Variants in PIEZO2 observed in about 807,000 individuals in gnomAD.
PIEZO2 encodes the protein piezo type mechanosensitive ion channel component 2, also known as piezo-type mechanosensitive ion channel component 2.
A neutral mutation model predicts 337.3 loss-of-function variants in PIEZO2; 172 were observed. That is an observed-to-expected ratio of 0.51 (90% CI 0.45 to 0.58). PIEZO2 has a LOEUF of 0.58. Among genes scored for constraint, PIEZO2 ranks in the 20% least tolerant of loss-of-function variants. PIEZO2 has a pLI of 0.00. For missense variants in PIEZO2, 3,028 were observed against 3,391.3 expected (o/e 0.89, Z 2.66); for synonymous variants, 1,251 against 1,228.5 (o/e 1.02, Z -0.38).
chr18:11,078,822 C>T lies in PIEZO2; in HGVS notation c.65-12600G>A, dbSNP rs72874236. Among the ~76,000 whole-genome samples the T allele has an allele frequency of 0.089, 13,592 of 152,214 alleles. 622 individuals carry two copies. Among genetic ancestry groups the T allele is most frequent in the Middle Eastern group, 0.15 (43 of 294 alleles). On this transcript the variant is annotated intron_variant, in intron 1 of 55. Transcript: ENST00000674853. This position sits in a 1 kb window ranked among gnomAD's most constrained non-coding sequence, Gnocchi z 5.3. ...TCTCTACCTACTCAGAGTATTTGGCCTTACATTTCATCGAATCACAGAGTC... is the reference window on the plus strand; with the variant it reads ...TCTCTACCTACTCAGAGTATTTGGCTTTACATTTCATCGAATCACAGAGTC...
Position 10,969,780 on chromosome 18 carries a change from A to C in PIEZO2, c.286+9755T>G, listed in dbSNP as rs2034162295. On this transcript the variant is annotated intron_variant, in intron 3 of 55. Transcript: ENST00000674853. The surrounding 1 kb of genome is among the most constrained non-coding windows in gnomAD (Gnocchi z 4.5). Reference sequence around the variant, plus strand: ...ACAGAGCTCCTGGCCAAGAGAGGGCATGGGTGCACTTAGCCGCTCTCCTCA... The same window carrying C: ...ACAGAGCTCCTGGCCAAGAGAGGGCCTGGGTGCACTTAGCCGCTCTCCTCA... Among the ~76,000 whole-genome samples, 1 of 152,078 alleles carries C rather than the reference A, an allele frequency of 6.6e-6. No homozygotes were observed. The highest frequency in any genetic ancestry group is 2.4e-5 in the African/African-American group (1 of 41,398).
chr18:11,099,251 T>A lies in PIEZO2; in HGVS notation c.65-33029A>T, dbSNP rs143191695. Among the ~76,000 whole-genome samples the A allele has an allele frequency of 2.0e-5, 3 of 152,346 alleles. No individual in the cohort carries two copies. The highest frequency in any genetic ancestry group is 7.2e-5 in the African/African-American group (3 of 41,590). ...ACATTTGTGCCAGTATTTCTGTAGG[T>A]TAACATATTAATGGATCATAAAGTA... is the stretch of plus-strand genomic sequence containing the variant. On this transcript the variant is annotated intron_variant, in intron 1 of 55. Coordinates refer to ENST00000674853, the MANE Select transcript of PIEZO2 (RefSeq NM_001378183.1). This position sits in a 1 kb window ranked among gnomAD's most constrained non-coding sequence, Gnocchi z 5.4.
At position 10,903,079 on chromosome 18, in the gene PIEZO2, T is replaced by C. The variant is rs2043089227; in HGVS notation, c.329+8107A>G. ...TATGGGGAGGCACCAACCCATGGGC[T>C]GTACTCATTCCAGAATCCTTCCTCC... On this transcript the variant is annotated intron_variant, in intron 4 of 55. Transcript: ENST00000674853. The surrounding 1 kb of genome is among the most constrained non-coding windows in gnomAD (Gnocchi z 4.1). Among the ~76,000 whole-genome samples the C allele has an allele frequency of 6.6e-6, 1 of 152,142 alleles. No homozygotes were observed. Among genetic ancestry groups the C allele is most frequent in the Non-Finnish European group, 1.5e-5 (1 of 68,026 alleles).
At chr18:10,717,590 T>G (rs572797699) in intron 37 of PIEZO2, among the ~76,000 whole-genome samples, 1 of 150,094 alleles carries the variant, frequency 6.7e-6, no homozygotes, top group Non-Finnish European at 1.5e-5. Context: ...GGCTTTGGCC[T>G]TTTTTTCTTC....
At chr18:11,141,078 C>T (rs2040630968) in intron 1 of PIEZO2, among the ~76,000 whole-genome samples, 1 of 152,228 alleles carries the variant, frequency 6.6e-6, no homozygotes, top group South Asian at 2.1e-4. Context: ...CAATCACCTA[C>T]ATCTTGACTA....
intron 4 of PIEZO2, among the ~76,000 whole-genome samples, chr18:10,886,511 T>TATATATATATATA (rs2042613445): frequency 2.5e-5 from 3 of 118,364 alleles, no homozygotes; most frequent in African/African-American, 7.3e-5. Context: ...CATATACACA[T>TATATATATATATA]TATATATATA....
In PIEZO2 at chr18:10,773,972, A is replaced by T. The variant is rs1483092457; in HGVS notation, c.2567+34T>A. 1.4e-6 allele frequency: 1 copy of T among 702,978 alleles called. No individual in the cohort carries two copies. The highest frequency in any genetic ancestry group is 2.6e-6 in the Non-Finnish European group (1 of 384,982). The allele number at this position is 702,978 out of a possible 1,614,324, so 43.5% of individuals were successfully genotyped here. A position where few individuals can be genotyped will look rare whatever the true frequency, so the allele number is the denominator to read the frequency against. On this transcript the variant is annotated intron_variant, in intron 19 of 55. Coordinates refer to ENST00000674853, the MANE Select transcript of PIEZO2 (RefSeq NM_001378183.1). The surrounding 1 kb of genome is among the most constrained non-coding windows in gnomAD (Gnocchi z 5.3). ...AGAAGCATGAAATGGCATCATGTAG[A>T]GCAAGCATTTCATGGCTTCACAGGG...
rs1382540499 is a variant in PIEZO2, at chr18:11,104,543, A to G, written c.65-38321T>C. On this transcript the variant is annotated intron_variant, in intron 1 of 55. Transcript: ENST00000674853. This position sits in a 1 kb window ranked among gnomAD's most constrained non-coding sequence, Gnocchi z 4.6. The stretch of plus-strand genomic sequence containing the variant: ...GAGAAAGCTGGCCTGGAGCCATCTG[A>G]AGTCTGAAGTCCTGCCCAAGCAGAC... Among the ~76,000 whole-genome samples the G allele has an allele frequency of 6.6e-6, 1 of 152,130 alleles. No individual in the cohort carries two copies. Among genetic ancestry groups the G allele is most frequent in the Non-Finnish European group, 1.5e-5 (1 of 68,016 alleles).
rs901454879 is a variant in PIEZO2, at chr18:10,773,200, G to A, written c.2785+212C>T. Among the ~76,000 whole-genome samples, 1 of 152,208 alleles carries A rather than the reference G, an allele frequency of 6.6e-6. No individual in the cohort carries two copies. The highest frequency in any genetic ancestry group is 1.5e-5 in the Non-Finnish European group (1 of 68,040). ...CTTGAGGGTCAGTCACTGATAACCA[G>A]TCGTCTGGTCTCTACTCAGTCAGAA... is the stretch of plus-strand genomic sequence containing the variant. On this transcript the variant is annotated intron_variant, in intron 20 of 55. Transcript: ENST00000674853. This position sits in a 1 kb window ranked among gnomAD's most constrained non-coding sequence, Gnocchi z 5.3.
intron 32 of PIEZO2, among the ~76,000 whole-genome samples, chr18:10,742,209 A>G (rs1285866502): frequency 1.3e-5 from 2 of 152,196 alleles, no homozygotes; most frequent in African/African-American, 2.4e-5. Context: ...AATCCTGCCA[A>G]TCTACTGCAG....
At chr18:10,785,634 A>G (rs1375318532) in intron 16 of PIEZO2, among the ~76,000 whole-genome samples, 2 of 152,104 alleles carry the variant, frequency 1.3e-5, no homozygotes, top group Admixed American at 1.3e-4. Flanking sequence ...GAGAAGTCAG[A>G]CGCCTCCTGT....
intron 32 of PIEZO2, among the ~76,000 whole-genome samples, chr18:10,742,002 A>C (rs970897954): frequency 1.3e-5 from 2 of 151,764 alleles, no homozygotes; most frequent in Non-Finnish European, 2.9e-5. Context: ...AAATACAAAA[A>C]AAATTAGCCG....
intron 7 of PIEZO2, among the ~76,000 whole-genome samples, chr18:10,809,373 C>G (rs765773860): frequency 7.0e-6 from 1 of 143,034 alleles, no homozygotes; most frequent in East Asian, 2.2e-4. Context: ...CGGGTTCAAG[C>G]AATTCTTCTG....
chr18:10,728,049 A>G (rs7227650), intron 36 of PIEZO2: 75,417 of 152,420 alleles, frequency 0.49, 18,802 homozygotes, highest in South Asian at 0.55. Flanking sequence ...AGAACGATGC[A>G]GGAAAATGCT....
Position 10,993,300 on chromosome 18 carries a change from G to T in PIEZO2, c.161-13640C>A, listed in dbSNP as rs1259872124. Among the ~76,000 whole-genome samples, 1 of 152,094 alleles carries T rather than the reference G, an allele frequency of 6.6e-6. No homozygotes were observed. Among genetic ancestry groups the T allele is most frequent in the Non-Finnish European group, 1.5e-5 (1 of 68,014 alleles). ...GTGAGAGAGTGCCGGTTTTCAAAGG[G>T]AATGCTTCCAGTTTTTGCCCATTCA... On this transcript the variant is annotated intron_variant, in intron 2 of 55. Coordinates refer to ENST00000674853, the MANE Select transcript of PIEZO2 (RefSeq NM_001378183.1). This position sits in a 1 kb window ranked among gnomAD's most constrained non-coding sequence, Gnocchi z 5.0.
At position 10,815,335 on chromosome 18, in the gene PIEZO2, G is replaced by A. The variant is rs541140930; in HGVS notation, c.918-8061C>T. Among the ~76,000 whole-genome samples, 1 of 152,260 alleles carries A rather than the reference G, an allele frequency of 6.6e-6. No individual in the cohort carries two copies. Among genetic ancestry groups the A allele is most frequent in the Admixed American group, 6.5e-5 (1 of 15,302 alleles). Reference sequence around the variant, plus strand: ...TGATCCAGACATGGATTCGAGCCCTGCCTGAATGATTACCTACGTGACCCT... The same window carrying A: ...TGATCCAGACATGGATTCGAGCCCTACCTGAATGATTACCTACGTGACCCT... On this transcript the variant is annotated intron_variant, in intron 7 of 55. Transcript: ENST00000674853. This position sits in a 1 kb window ranked among gnomAD's most constrained non-coding sequence, Gnocchi z 4.1.
rs576742005 is a variant in PIEZO2, at chr18:10,878,782, GAA to G, written c.330-7369_330-7368del. On this transcript the variant is annotated intron_variant, in intron 4 of 55. Coordinates refer to ENST00000674853, the MANE Select transcript of PIEZO2 (RefSeq NM_001378183.1). The surrounding 1 kb of genome is among the most constrained non-coding windows in gnomAD (Gnocchi z 4.3). Reference sequence around the variant, plus strand: ...AGACCATACAAAGCTTGGATGTTTTGAAAAAAAAAAAAAATCACATAACCAGA... The same window carrying G: ...AGACCATACAAAGCTTGGATGTTTTGAAAAAAAAAAAATCACATAACCAGA... Among the ~76,000 whole-genome samples, 3 of 139,414 alleles carry G rather than the reference GAA, an allele frequency of 2.2e-5. No individual in the cohort carries two copies. Among genetic ancestry groups the G allele is most frequent in the Admixed American group, 7.2e-5 (1 of 13,880 alleles). 91.5% of individuals were successfully genotyped at this position (139,414 alleles called of 152,430 possible). A position where few individuals can be genotyped will look rare whatever the true frequency, so the allele number is the denominator to read the frequency against.
Position 10,682,068 on chromosome 18 carries a change from C to G in PIEZO2, c.7686+36G>C, listed in dbSNP as rs1324945091. ...TATCATAAAGGAATGTGGCGTGGGGCAAGGCTCTGGTAGGTGGGGTGTGCA... is the reference window on the plus strand; with the variant it reads ...TATCATAAAGGAATGTGGCGTGGGGGAAGGCTCTGGTAGGTGGGGTGTGCA... On this transcript the variant is annotated intron_variant, in intron 50 of 55. Transcript: ENST00000674853. The surrounding 1 kb of genome is among the most constrained non-coding windows in gnomAD (Gnocchi z 5.6). The G allele has an allele frequency of 1.3e-6, 2 of 1,506,652 alleles. No individual in the cohort carries two copies. The highest frequency in any genetic ancestry group is 2.8e-5 in the African/African-American group (2 of 72,302). 93.3% of individuals were successfully genotyped at this position (1,506,652 alleles called of 1,614,324 possible).
chr18:10,701,469 T>C (rs1023701437), intron 43 of PIEZO2, among the ~76,000 whole-genome samples: 4 of 152,188 alleles, frequency 2.6e-5, no homozygotes, highest in East Asian at 1.9e-4. Flanking sequence ...TGGGCAACTT[T>C]AAAGAATATG....
Sources: allele counts gnomAD v4.1 joint callset (sites outside exome capture counted in the v4.1 genomes callset), GRCh38; gene constraint gnomAD v4.1.1; non-coding constraint Gnocchi (gnomAD v3.1); transcripts MANE v1.5; gene names NCBI Gene and HGNC (gene_info 2026-07-23, HGNC 2026-07-21).